Variants in NTRK3 observed in about 807,000 individuals in gnomAD.
NTRK3 encodes neurotrophic receptor tyrosine kinase 3.
A neutral mutation model predicts 91.7 loss-of-function variants in NTRK3; 24 were observed. That is an observed-to-expected ratio of 0.26 (90% CI 0.19 to 0.37). NTRK3 has a LOEUF of 0.37. NTRK3 is among the 10% of genes least tolerant of loss of function. The pLI, the probability that NTRK3 is intolerant of heterozygous loss-of-function variation, is 1.00. For synonymous variants in NTRK3, 483 were observed against 404.0 expected, an observed-to-expected ratio of 1.20 and a Z score of -2.34; for missense variants, 880 against 1,068.9, an observed-to-expected ratio of 0.82 and a Z score of 2.46.
rs577885039 is a variant in NTRK3, at chr15:87,880,559, T to A, written c.2134-131A>T. On this transcript the variant is annotated intron_variant, in intron 17 of 18. Transcript: ENST00000394480. Reference sequence around the variant, plus strand: ...TAAGATAGTCACAGCTTTATGCAACTTCTATCAGAGGTGTGTGAAGATGCT... The same window carrying A: ...TAAGATAGTCACAGCTTTATGCAACATCTATCAGAGGTGTGTGAAGATGCT... The A allele has an allele frequency of 8.1e-5, 87 of 1,078,530 alleles. 2 individuals are homozygous for A. The Middle Eastern group carries it at 1.4e-3, about 18-fold the overall frequency. 66.8% of individuals were successfully genotyped at this position (1,078,530 alleles called of 1,614,324 possible).
At chr15:88,135,805 C>T (rs771186585) in intron 9 of NTRK3, 94 bp downstream of exon 9, 9 of 1,524,118 alleles carry the variant, frequency 5.9e-6, no homozygotes, top group African/African-American at 1.4e-5. Context: ...GCTCACTGCT[C>T]TAGCTCACCC....
chr15:88,155,951 T>G (rs987130016), intron 5 of NTRK3, among the ~76,000 whole-genome samples: 18 of 152,200 alleles, frequency 1.2e-4, no homozygotes, highest in African/African-American at 4.3e-4. Flanking sequence ...TTGCAAGTGC[T>G]TGATAGCCAT....
At chr15:88,104,100 T>A (rs1597335030) in intron 13 of NTRK3, among the ~76,000 whole-genome samples, 1 of 152,332 alleles carries the variant, frequency 6.6e-6, no homozygotes, top group South Asian at 2.1e-4. Context: ...GAGCTGATCC[T>A]GGGTCAGAGA....
intron 14 of NTRK3, among the ~76,000 whole-genome samples, chr15:87,990,188 GTC>G: frequency 6.6e-6 from 1 of 152,036 alleles, no homozygotes; most frequent in Non-Finnish European, 1.5e-5. Context: ...CAACTTTATC[GTC>G]TCTCTCCCAC....
At chr15:88,083,614 A>G (rs2048249335) in intron 13 of NTRK3, among the ~76,000 whole-genome samples, 2 of 152,158 alleles carry the variant, frequency 1.3e-5, no homozygotes, top group Non-Finnish European at 2.9e-5. Context: ...GACAGTTCAT[A>G]GTCAAGAAGG....
intron 14 of NTRK3, among the ~76,000 whole-genome samples, chr15:88,009,134 C>T (rs1346132462): frequency 1.3e-5 from 2 of 152,160 alleles, no homozygotes; most frequent in African/African-American, 4.8e-5. Flanking sequence ...ATGGAGAAAC[C>T]CCTACCTCAG....
intron 13 of NTRK3, among the ~76,000 whole-genome samples, chr15:88,079,615 A>T (rs1410778314): frequency 6.6e-6 from 1 of 152,236 alleles, no homozygotes; most frequent in Non-Finnish European, 1.5e-5. Context: ...AAGGGATTTA[A>T]TTTTGTTTTT....
intron 5 of NTRK3, among the ~76,000 whole-genome samples, chr15:88,173,763 C>T (rs924173374): frequency 6.6e-6 from 1 of 152,230 alleles, no homozygotes; most frequent in Non-Finnish European, 1.5e-5. Flanking sequence ...TTGAAAACAG[C>T]CAAGGCTGAC....
At chr15:88,161,891 T>C (rs546848576) in intron 5 of NTRK3, among the ~76,000 whole-genome samples, 1 of 152,170 alleles carries the variant, frequency 6.6e-6, no homozygotes, top group Non-Finnish European at 1.5e-5. Context: ...CTGGCAGGGA[T>C]TTTTTACCAC....
At chr15:87,909,793 G>A (rs2066981026) in intron 17 of NTRK3, among the ~76,000 whole-genome samples, 1 of 152,182 alleles carries the variant, frequency 6.6e-6, no homozygotes, top group Non-Finnish European at 1.5e-5. Flanking sequence ...GAAGAGATTA[G>A]GACACAAACC....
intron 5 of NTRK3, among the ~76,000 whole-genome samples, chr15:88,166,904 C>G (rs1273426861): frequency 6.6e-6 from 1 of 152,136 alleles, no homozygotes; most frequent in Non-Finnish European, 1.5e-5. Flanking sequence ...TATTTCGTCT[C>G]TTTTTCTCTT....
exon 19 of NTRK3, chr15:87,871,945 C>A (rs2064836194): frequency 4.5e-6 from 1 of 222,022 alleles, no homozygotes; most frequent in Non-Finnish European, 9.0e-6. Flanking sequence ...CCTTCAAAAC[C>A]TTAAATATTT....
intron 5 of NTRK3, among the ~76,000 whole-genome samples, chr15:88,180,319 A>C (rs901978886): frequency 2.0e-5 from 3 of 152,190 alleles, no homozygotes; most frequent in African/African-American, 7.2e-5. Flanking sequence ...CCCATCTCTC[A>C]AAAAAGGGTT....
chr15:88,063,907 C>A (rs1410312558), intron 13 of NTRK3, among the ~76,000 whole-genome samples: 1 of 152,182 alleles, frequency 6.6e-6, no homozygotes, highest in Non-Finnish European at 1.5e-5. Context: ...GTGACTTGTA[C>A]AGTGTCTTCT....
chr15:87,910,080 G>T (rs2066998715), intron 17 of NTRK3, among the ~76,000 whole-genome samples: 1 of 152,172 alleles, frequency 6.6e-6, no homozygotes, highest in Admixed American at 6.5e-5. Context: ...GGAGCCAAGG[G>T]GGCTTCTTGT....
chr15:88,034,866 A>G (rs1243982796), intron 13 of NTRK3, among the ~76,000 whole-genome samples: 1 of 152,220 alleles, frequency 6.6e-6, no homozygotes, highest in Non-Finnish European at 1.5e-5. Context: ...CCTTGCAAAA[A>G]AGAAGCCAGT....
At chr15:88,030,565 T>C (rs927232607) in intron 14 of NTRK3, among the ~76,000 whole-genome samples, 1 of 152,224 alleles carries the variant, frequency 6.6e-6, no homozygotes, top group Non-Finnish European at 1.5e-5. Flanking sequence ...GAGCTTCCAC[T>C]AAAGAGGACA....
chr15:88,069,438 T>C (rs987755329), intron 13 of NTRK3, among the ~76,000 whole-genome samples: 1 of 152,142 alleles, frequency 6.6e-6, no homozygotes, highest in African/African-American at 2.4e-5. Flanking sequence ...AAAACTGAGG[T>C]GGCATGCTAA....
At chr15:87,910,730 C>T (rs1377330697) in intron 17 of NTRK3, among the ~76,000 whole-genome samples, 1 of 152,034 alleles carries the variant, frequency 6.6e-6, no homozygotes, top group East Asian at 1.9e-4. Context: ...GAAAGAATGA[C>T]CAGGAATGGT....
Sources: gnomAD v4.1 joint callset for allele counts (sites outside exome capture counted in the v4.1 genomes callset) on GRCh38, gnomAD v4.1.1 for gene constraint, MANE v1.5 for transcripts, NCBI Gene and HGNC (gene_info 2026-07-23, HGNC 2026-07-21) for gene names.